The following CLDN10 variants were observed in gnomAD, a reference collection of about 807,000 sequenced individuals.
The protein encoded by CLDN10 is claudin 10.
Under a neutral mutation model 22.9 loss-of-function variants are expected in CLDN10, and 15 were observed. That is an observed-to-expected ratio of 0.65 (90% CI 0.44 to 1.01). The LOEUF (loss-of-function observed/expected upper bound fraction) is 1.01. CLDN10 is among the 50% of genes least tolerant of loss of function. CLDN10 has a pLI of 0.00. For missense variants in CLDN10, 247 were observed against 287.8 expected (o/e 0.86, Z 1.03); for synonymous variants, 114 against 111.4 (o/e 1.02, Z -0.15).
intron 1 of CLDN10, among the ~76,000 whole-genome samples, chr13:95,487,828 C>T (rs576918900): frequency 1.1e-4 from 17 of 152,104 alleles, no homozygotes; most frequent in African/African-American, 4.1e-4. Flanking sequence ...GTGCACACCA[C>T]CATGCCTGGC....
intron 1 of CLDN10, among the ~76,000 whole-genome samples, chr13:95,526,547 T>G (rs1207935730): frequency 1.3e-5 from 2 of 152,126 alleles, no homozygotes; most frequent in Non-Finnish European, 2.9e-5. Context: ...CTGCCAATGT[T>G]TTGTGTTTTG....
intron 1 of CLDN10, among the ~76,000 whole-genome samples, chr13:95,530,501 C>T (rs1366084332): frequency 1.3e-5 from 2 of 152,180 alleles, no homozygotes; most frequent in African/African-American, 2.4e-5. Flanking sequence ...TAGAACCACT[C>T]TTCGCCCTTC....
chr13:95,519,936 G>T (rs753687683), intron 1 of CLDN10, among the ~76,000 whole-genome samples: 1 of 152,202 alleles, frequency 6.6e-6, no homozygotes, highest in African/African-American at 2.4e-5. Flanking sequence ...TATGAAAAGC[G>T]TATGAAAATC....
At chr13:95,501,315 A>G (rs1594568255) in intron 1 of CLDN10, among the ~76,000 whole-genome samples, 1 of 151,574 alleles carries the variant, frequency 6.6e-6, no homozygotes, top group South Asian at 2.1e-4. Context: ...CATCCAGCCC[A>G]TTTTTTTTGT....
chr13:95,501,586 C>G (rs1157349542), intron 1 of CLDN10, among the ~76,000 whole-genome samples: 1 of 152,236 alleles, frequency 6.6e-6, no homozygotes, highest in Non-Finnish European at 1.5e-5. Flanking sequence ...GTCAATACAG[C>G]TACCCCAGCC....
intron 4 of CLDN10, 103 bp from the exon 5 acceptor site, chr13:95,577,797 T>A (rs1466356471): frequency 1.5e-6 from 1 of 657,770 alleles, no homozygotes; most frequent in East Asian, 2.7e-5. Flanking sequence ...AAGAGGAAGA[T>A]TTACATTTAG....
chr13:95,542,904 G>A (rs2043473530), intron 1 of CLDN10, among the ~76,000 whole-genome samples: 1 of 152,148 alleles, frequency 6.6e-6, no homozygotes, highest in African/African-American at 2.4e-5. Context: ...CCAGTGAGAG[G>A]TAAAGCAAAC....
At chr13:95,485,818 A>G (rs187229230) in intron 1 of CLDN10, among the ~76,000 whole-genome samples, 1 of 152,242 alleles carries the variant, frequency 6.6e-6, no homozygotes, top group Non-Finnish European at 1.5e-5. Context: ...GCATTGCAGG[A>G]TAAGTGCCTG....
rs542018358 is a variant in CLDN10 at position 95,553,005 on chromosome 13, C to T, written c.220+32C>T. ...ATCCCCGCGGCCCCCGCCCTCAGCC[C>T]TCCTTCCTTGATGGCCAGCCCGCTA... On this transcript the variant is annotated intron_variant, in intron 1 of 4. Transcript: ENST00000299339. The T allele has an allele frequency of 3.6e-5, 58 of 1,610,052 alleles. No individual in the cohort carries two copies. In the Admixed American group the frequency reaches 4.8e-4, roughly 13 times the overall value.
chr13:95,483,496 A>C (rs755288018), intron 1 of CLDN10, among the ~76,000 whole-genome samples: 3 of 152,112 alleles, frequency 2.0e-5, no homozygotes, highest in Non-Finnish European at 2.9e-5. Flanking sequence ...GGCATGACCC[A>C]CTGTGCCCGG....
chr13:95,468,331 T>G (rs2042598969), intron 1 of CLDN10, among the ~76,000 whole-genome samples: 1 of 152,220 alleles, frequency 6.6e-6, no homozygotes, highest in South Asian at 2.1e-4. Context: ...GACAGTTTCT[T>G]TGCTGGCTGA....
At chr13:95,488,145 C>T (rs9590288) in intron 1 of CLDN10, among the ~76,000 whole-genome samples, 83,226 of 150,486 alleles carry the variant, frequency 0.55, 23,709 homozygotes, top group African/African-American at 0.7. Context: ...CCACCATGTC[C>T]GGCTAATTTT....
chr13:95,457,036 A>G (rs1195479691), intron 1 of CLDN10, among the ~76,000 whole-genome samples: 1 of 152,156 alleles, frequency 6.6e-6, no homozygotes, highest in Non-Finnish European at 1.5e-5. Context: ...TTCCTCTGCA[A>G]AAGCACTTCC....
At chr13:95,487,449 A>C (rs777221934) in intron 1 of CLDN10, among the ~76,000 whole-genome samples, 35 of 152,164 alleles carry the variant, frequency 2.3e-4, no homozygotes, top group African/African-American at 8.4e-4. Flanking sequence ...TTTCCTCTGC[A>C]CTTCTCTTAG....
At chr13:95,504,539 C>T (rs1350383646) in intron 1 of CLDN10, among the ~76,000 whole-genome samples, 3 of 152,030 alleles carry the variant, frequency 2.0e-5, no homozygotes, top group Non-Finnish European at 2.9e-5. Flanking sequence ...GCCACCACGC[C>T]CAGCTAATTT....
intron 1 of CLDN10, among the ~76,000 whole-genome samples, chr13:95,472,316 C>A (rs2042641154): frequency 1.3e-5 from 2 of 152,086 alleles, no homozygotes; most frequent in African/African-American, 4.8e-5. Context: ...CAAATACATT[C>A]AAAAACCAAC....
intron 1 of CLDN10, among the ~76,000 whole-genome samples, chr13:95,466,107 T>C (rs1333708372): frequency 6.6e-6 from 1 of 151,860 alleles, no homozygotes; most frequent in Non-Finnish European, 1.5e-5. Flanking sequence ...TACTTTACTA[T>C]TAAAAATAGT....
chr13:95,576,900 A>C (rs1204160447), intron 3 of CLDN10, among the ~76,000 whole-genome samples: 1 of 152,240 alleles, frequency 6.6e-6, no homozygotes, highest in Non-Finnish European at 1.5e-5. Flanking sequence ...AGAACAGAAC[A>C]AATAGATGGA....
intron 1 of CLDN10, among the ~76,000 whole-genome samples, chr13:95,508,387 C>T (rs9524993): frequency 6.3e-4 from 96 of 152,088 alleles, no homozygotes; most frequent in African/African-American, 2.0e-3. Context: ...TCACAGAATA[C>T]GGCCAAGTAC....
Sources: allele counts gnomAD v4.1 joint callset (sites outside exome capture counted in the v4.1 genomes callset), GRCh38; gene constraint gnomAD v4.1.1; transcripts MANE v1.5; gene names NCBI Gene and HGNC (gene_info 2026-07-23, HGNC 2026-07-21).